The following ADAM10 variants were observed in gnomAD, a reference collection of about 807,000 sequenced individuals.
The protein encoded by ADAM10 is disintegrin and metalloproteinase domain-containing protein 10.
ADAM10 carries 17 observed loss-of-function variants against 90.1 expected under a neutral mutation model. The ratio of observed to expected loss-of-function variants is 0.19; its 90% CI spans 0.13 to 0.28. The LOEUF (loss-of-function observed/expected upper bound fraction) is 0.28, where lower values mean the gene tolerates loss of function less well. Among genes scored for constraint, ADAM10 ranks in the 10% least tolerant of loss-of-function variants. The probability of loss-of-function intolerance (pLI) is 1.00; values close to 1 mark genes in which losing one functional copy is unlikely to be tolerated. For missense variants in ADAM10, 610 were observed against 914.3 expected (o/e 0.67, Z 4.29); for synonymous variants, 310 against 298.6 (o/e 1.04, Z -0.40).
At chr15:58,687,762 A>G (rs950841165) in intron 2 of ADAM10, among the ~76,000 whole-genome samples, 5 of 152,250 alleles carry the variant, frequency 3.3e-5, no homozygotes, top group East Asian at 1.9e-4. Flanking sequence ...CAATTTGTAC[A>G]AACTTCAAAA....
At chr15:58,637,436 C>G (rs1438261161) in intron 8 of ADAM10, among the ~76,000 whole-genome samples, 2 of 152,150 alleles carry the variant, frequency 1.3e-5, no homozygotes, top group Non-Finnish European at 2.9e-5. Flanking sequence ...CAGCCAGAAG[C>G]AAAATGATTT....
At chr15:58,676,099 T>C (rs2140746244) in intron 4 of ADAM10, 6 of 292,658 alleles carry the variant, frequency 2.1e-5, no homozygotes, top group South Asian at 1.8e-4. Context: ...GAGTTTGGCT[T>C]AAAACAGCAA....
chr15:58,682,247 T>C lies in ADAM10; in HGVS notation c.274A>G (p.Asn92Asp). The stretch of plus-strand genomic sequence containing the variant: ...GAGGTATCATAATCAAGTACTTTAT[T>C]TGATGTTTCTACTTTAAATTCATCA... ...FSDEFKVETS[N>D]KVLDYDTSHI... The change falls in exon 3 of 16, where the codon AAT becomes GAT. Residue 92 changes from asparagine (N) to aspartate (D), a missense_variant. Asn to Asp is a conservative substitution (Grantham distance 23). Coordinates refer to ENST00000260408, the MANE Select transcript of ADAM10 (RefSeq NM_001110.4). The C allele has an allele frequency of 6.2e-7, 1 of 1,613,216 alleles. No homozygotes were observed. The highest frequency in any genetic ancestry group is 8.5e-7 in the Non-Finnish European group (1 of 1,179,550).
chr15:58,620,623 T>C (rs1371204564), intron 11 of ADAM10, among the ~76,000 whole-genome samples: 2 of 152,026 alleles, frequency 1.3e-5, no homozygotes, highest in East Asian at 3.8e-4. Context: ...ATATGGAAGA[T>C]AGTTACATTT....
intron 6 of ADAM10, among the ~76,000 whole-genome samples, chr15:58,645,229 T>G (rs1279257690): frequency 6.6e-6 from 1 of 152,210 alleles, no homozygotes; most frequent in East Asian, 1.9e-4. Context: ...TAGGGCTCAT[T>G]ATAAAATTCA....
At chr15:58,617,716 C>T (rs1401248720) in intron 11 of ADAM10, among the ~76,000 whole-genome samples, 1 of 151,848 alleles carries the variant, frequency 6.6e-6, no homozygotes, top group African/African-American at 2.4e-5. Context: ...AGAATAGTTG[C>T]AGGATACAAA....
At chr15:58,614,669 TAA>T (rs1895550760) in intron 11 of ADAM10, among the ~76,000 whole-genome samples, 1 of 151,954 alleles carries the variant, frequency 6.6e-6, no homozygotes, top group Admixed American at 6.6e-5. Context: ...GAGGGACAAA[TAA>T]AGTCTTTCCC....
intron 14 of ADAM10, among the ~76,000 whole-genome samples, chr15:58,603,827 T>C (rs1224030817): frequency 7.0e-6 from 1 of 143,334 alleles, no homozygotes; most frequent in Non-Finnish European, 1.5e-5. Flanking sequence ...ATAGACAGTT[T>C]CGAAGAATAC....
intron 8 of ADAM10, 151 bp from the exon 9 acceptor site, chr15:58,633,510 G>C: frequency 1.5e-6 from 1 of 686,732 alleles, no homozygotes; most frequent in Non-Finnish European, 2.4e-6. Context: ...AGTTTCTTTG[G>C]TCCAAGACTA....
rs1894889247 is a variant in ADAM10 at position 58,594,037 on chromosome 15, G to A, written c.*3510C>T. The A allele has an allele frequency of 6.6e-6, 1 of 152,086 alleles. No homozygotes were observed. The highest frequency in any genetic ancestry group is 6.5e-5 in the Admixed American group (1 of 15,268). 9.4% of individuals were successfully genotyped at this position (152,086 alleles called of 1,614,324 possible). The stretch of plus-strand genomic sequence containing the variant: ...CTGAAACTGAAGTTGTCCTCTGTGG[G>A]GCAAACCAATTGTCTTTCTAGTTTC... On this transcript the variant is annotated 3_prime_UTR_variant, in exon 16 of 16. Transcript: ENST00000260408.
Position 58,590,657 on chromosome 15 carries a change from A to T in ADAM10, c.*6890T>A, listed in dbSNP as rs1595973200. ...ATCACAAAACTAAATAATGAAGAATATATTGACACCTTAATTTATAAAAAC... is the reference window on the plus strand; with the variant it reads ...ATCACAAAACTAAATAATGAAGAATTTATTGACACCTTAATTTATAAAAAC... On this transcript the variant is annotated 3_prime_UTR_variant, in exon 16 of 16. Transcript: ENST00000260408. 2.0e-5 allele frequency: 3 copies of T among 152,366 alleles called. No homozygotes were observed. Among genetic ancestry groups the T allele is most frequent in the Middle Eastern group, 6.8e-3 (2 of 294 alleles). The allele number at this position is 152,366 out of a possible 1,614,324, so 9.4% of individuals were successfully genotyped here.
chr15:58,605,806 C>G (rs554435340), intron 14 of ADAM10, among the ~76,000 whole-genome samples: 15 of 152,248 alleles, frequency 9.9e-5, no homozygotes, highest in African/African-American at 3.6e-4. Context: ...ATGTTCAATA[C>G]AGGCACTTAA....
chr15:58,710,347 G>A (rs569281863), intron 2 of ADAM10, among the ~76,000 whole-genome samples: 41 of 152,254 alleles, frequency 2.7e-4, no homozygotes, highest in African/African-American at 9.9e-4. Context: ...ATAACCTTTA[G>A]TCATATAAAA....
intron 2 of ADAM10, chr15:58,691,317 T>G (rs1897781792): frequency 8.1e-7 from 1 of 1,233,218 alleles, no homozygotes; most frequent in Non-Finnish European, 1.2e-6. Flanking sequence ...CCCATCAAAT[T>G]CCTTGAGCTG....
At chr15:58,686,889 A>G (rs1798598339) in intron 2 of ADAM10, among the ~76,000 whole-genome samples, 2 of 152,158 alleles carry the variant, frequency 1.3e-5, no homozygotes, top group South Asian at 2.1e-4. Flanking sequence ...ACCACCAAAC[A>G]TACCAAAATG....
intron 10 of ADAM10, among the ~76,000 whole-genome samples, chr15:58,626,707 G>A (rs532119422): frequency 2.2e-4 from 34 of 152,160 alleles, no homozygotes; most frequent in East Asian, 2.1e-3. Context: ...AGCCAGGCAC[G>A]AAAGAACAAA....
chr15:58,716,422 C>CT (rs2140814356), intron 2 of ADAM10, among the ~76,000 whole-genome samples: 1 of 152,262 alleles, frequency 6.6e-6, no homozygotes, highest in Admixed American at 6.5e-5. Flanking sequence ...AGTAAAGTGT[C>CT]TAAGAGGCAG....
Position 58,669,954 on chromosome 15 carries a change from G to A in ADAM10, c.485-4757C>T, listed in dbSNP as rs533448132. Among the ~76,000 whole-genome samples the A allele has an allele frequency of 1.5e-4, 23 of 152,200 alleles. No homozygotes were observed. The South Asian group carries it at 2.5e-3, about 16-fold the overall frequency. ...CTAGAGATTAGTGCAAGAGGGTAGC[G>A]GGGAGTAGAGGAGAGAAGAATTACA... On this transcript the variant is annotated intron_variant, in intron 4 of 15. Coordinates refer to ENST00000260408, the MANE Select transcript of ADAM10 (RefSeq NM_001110.4).
At chr15:58,640,637 A>T in intron 8 of ADAM10, 140 bp downstream of exon 8, 1 of 780,236 alleles carries the variant, frequency 1.3e-6, no homozygotes, top group Non-Finnish European at 2.1e-6. Context: ...TATGCTTATG[A>T]GTCTTGCCTA....
Sources: gnomAD v4.1 joint callset for allele counts (sites outside exome capture counted in the v4.1 genomes callset) on GRCh38, gnomAD v4.1.1 for gene constraint, MANE v1.5 for transcripts, NCBI Gene and HGNC (gene_info 2026-07-23, HGNC 2026-07-21) for gene names.